RBM27: variants seen among roughly 807,000 people sequenced by gnomAD.
RBM27 encodes the protein RNA binding motif protein 27.
Under a neutral mutation model 135.3 loss-of-function variants are expected in RBM27, and 22 were observed. That is an observed-to-expected ratio of 0.16 (90% CI 0.12 to 0.23). The LOEUF is 0.23. Among genes scored for constraint, RBM27 ranks in the 10% least tolerant of loss-of-function variants. RBM27 has a pLI of 1.00. For missense variants in RBM27, 1,009 were observed against 1,281.0 expected, an observed-to-expected ratio of 0.79 and a Z score of 3.24; for synonymous variants, 481 against 442.4, an observed-to-expected ratio of 1.09 and a Z score of -1.10.
intron 1 of RBM27, among the ~76,000 whole-genome samples, chr5:146,210,878 C>T (rs113431420): frequency 0.029 from 4,352 of 151,226 alleles, 206 homozygotes; most frequent in African/African-American, 0.1. Context: ...ACCTGGGAGG[C>T]GGAGGTTGCA....
At chr5:146,206,939 TA>T (rs1755707855) in intron 1 of RBM27, among the ~76,000 whole-genome samples, 1 of 152,160 alleles carries the variant, frequency 6.6e-6, no homozygotes. Flanking sequence ...ATATTAATAA[TA>T]AAAAAGTAAA....
chr5:146,260,921 C>G, intron 12 of RBM27, 23 bp downstream of exon 12: 1 of 1,592,902 alleles, frequency 6.3e-7, no homozygotes, highest in African/African-American at 1.4e-5. Context: ...ATGTCAGTGA[C>G]AGAATCCAGG....
In RBM27 at chr5:146,203,708, G is replaced by T; in HGVS notation, c.-58G>T. ...GAAGGGAACGTGAGGGGGCGGCGTAGTGGAGACCCACGGCAGGCCTGAAGA... is the reference window on the plus strand; with the variant it reads ...GAAGGGAACGTGAGGGGGCGGCGTATTGGAGACCCACGGCAGGCCTGAAGA... On this transcript the variant is annotated 5_prime_UTR_variant, in exon 1 of 21. Transcript: ENST00000265271. The T allele has an allele frequency of 3.3e-6, 5 of 1,495,160 alleles. No individual in the cohort carries two copies. The South Asian group carries it at 6.1e-5, about 18-fold the overall frequency. 92.6% of individuals were successfully genotyped at this position (1,495,160 alleles called of 1,614,324 possible). A position where few individuals can be genotyped will look rare whatever the true frequency, so the allele number is the denominator to read the frequency against.
chr5:146,208,980 T>C (rs980294477), intron 1 of RBM27, among the ~76,000 whole-genome samples: 4 of 152,230 alleles, frequency 2.6e-5, no homozygotes, highest in Non-Finnish European at 5.9e-5. Flanking sequence ...CTTACTTTAA[T>C]AGACATTGTT....
chr5:146,229,641 AG>A, intron 4 of RBM27, 75 bp from the exon 5 acceptor site: 1 of 1,217,784 alleles, frequency 8.2e-7, no homozygotes, highest in South Asian at 1.5e-5. Context: ...ACTCAAGAGT[AG>A]TATTTATACT....
At chr5:146,267,208 A>G (rs1275745675) in intron 14 of RBM27, among the ~76,000 whole-genome samples, 3 of 152,370 alleles carry the variant, frequency 2.0e-5, no homozygotes, top group African/African-American at 2.4e-5. Context: ...CATAAATTCT[A>G]TGATAGGATA....
intron 8 of RBM27, among the ~76,000 whole-genome samples, chr5:146,249,875 G>A (rs1757808271): frequency 6.6e-6 from 1 of 152,048 alleles, no homozygotes; most frequent in South Asian, 2.1e-4. Context: ...GTGCCATGGT[G>A]GTTTGCTGCA....
intron 19 of RBM27, among the ~76,000 whole-genome samples, chr5:146,282,433 T>C (rs1480313121): frequency 2.0e-5 from 3 of 152,220 alleles, no homozygotes; most frequent in African/African-American, 7.2e-5. Context: ...AGTTGGCCCT[T>C]CATATGTGTG....
intron 3 of RBM27, among the ~76,000 whole-genome samples, chr5:146,225,047 T>G (rs1756610624): frequency 6.6e-6 from 1 of 152,232 alleles, no homozygotes; most frequent in South Asian, 2.1e-4. Context: ...TTAACATCCA[T>G]ATAGTACTTT....
At position 146,284,690 on chromosome 5, in the gene RBM27, A is replaced by G. The variant is rs750470880; in HGVS notation, c.3057A>G (p.Pro1019=). ...TATCATGGCACAAGCCCAAGGTACC[A>G]TCTATATCCACTGAGACTGAAGAAG... is the stretch of plus-strand genomic sequence containing the variant. The part of the protein sequence containing the change: ...LQISWHKPKV[P]SISTETEEEE... Residue 1019 remains proline (P), a synonymous_variant, in exon 20 of 21, where the codon CCA becomes CCG. Transcript: ENST00000265271. 3 of 1,613,292 alleles carry G rather than the reference A, an allele frequency of 1.9e-6. No individual in the cohort carries two copies. The highest frequency in any genetic ancestry group is 1.3e-5 in the African/African-American group (1 of 75,022).
At chr5:146,219,841 C>G (rs1250039692) in intron 2 of RBM27, among the ~76,000 whole-genome samples, 1 of 152,096 alleles carries the variant, frequency 6.6e-6, no homozygotes, top group African/African-American at 2.4e-5. Flanking sequence ...CCACTCTCCT[C>G]CTTCCAACCC....
chr5:146,245,394 A>G (rs1581190252), intron 8 of RBM27: 1 of 152,102 alleles, frequency 6.6e-6, no homozygotes, highest in East Asian at 1.9e-4. Context: ...ATATTTTGTA[A>G]CTGCTAAGTT....
intron 9 of RBM27, 113 bp from the exon 10 acceptor site, chr5:146,254,830 T>G (rs1227937154): frequency 1.1e-6 from 1 of 932,468 alleles, no homozygotes; most frequent in Non-Finnish European, 1.6e-6. Context: ...TGTAGGTTGA[T>G]GTATTTGTTG....
chr5:146,220,258 A>G (rs966943944), intron 2 of RBM27, among the ~76,000 whole-genome samples: 1 of 152,076 alleles, frequency 6.6e-6, no homozygotes, highest in African/African-American at 2.4e-5. Context: ...CGGGTGGATC[A>G]TGAGGTCAAG....
In RBM27 at chr5:146,237,324, A is replaced by G; in HGVS notation, c.1171A>G (p.Ile391Val). ...ACCACCTATAACACAATCAAGCTTG[A>G]TAAACAGCCGTGACCAGCCTGGGAC... ...PRPPITQSSLINSRDQPGTSA... is the reference protein window; with the variant it reads ...PRPPITQSSLVNSRDQPGTSA... The change falls in exon 8 of 21, where the codon ATA becomes GTA. Residue 391 changes from isoleucine (I) to valine (V), a missense_variant. Physicochemically the swap from Ile to Val is conservative, Grantham distance 29. This residue lies in a region of RBM27 where 329 missense variants were observed against 368.1 expected (regional missense o/e 0.89). Coordinates refer to ENST00000265271, the MANE Select transcript of RBM27 (RefSeq NM_018989.2). 6.2e-7 allele frequency: 1 copy of G among 1,614,180 alleles called. No homozygotes were observed. The highest frequency in any genetic ancestry group is 8.5e-7 in the Non-Finnish European group (1 of 1,180,040).
At chr5:146,247,045 G>T (rs1006650597) in intron 8 of RBM27, among the ~76,000 whole-genome samples, 1 of 151,444 alleles carries the variant, frequency 6.6e-6, no homozygotes, top group South Asian at 2.1e-4. Context: ...TAAATTTTTT[G>T]TAGAGATGAG....
rs1759563548 is a variant in RBM27, at chr5:146,285,938, T to A, written c.3100-9T>A. On this transcript the variant is annotated splice_polypyrimidine_tract_variant and intron_variant, in intron 20 of 20. Transcript: ENST00000265271. ...GCCACTAAGCAGATTTTAACCTCTC[T>A]TTCTTCAGGAAACAGAAACCTCAGA... 1.9e-6 allele frequency: 3 copies of A among 1,608,576 alleles called. No individual in the cohort carries two copies. The highest frequency in any genetic ancestry group is 3.4e-5 in the Admixed American group (2 of 59,694).
At chr5:146,241,601 G>A (rs1274953714) in intron 8 of RBM27, among the ~76,000 whole-genome samples, 1 of 152,220 alleles carries the variant, frequency 6.6e-6, no homozygotes, top group African/African-American at 2.4e-5. Context: ...TGGGACTACA[G>A]TCGTGGGCCC....
At chr5:146,206,805 G>C (rs545197150) in intron 1 of RBM27, among the ~76,000 whole-genome samples, 98 of 151,916 alleles carry the variant, frequency 6.5e-4, no homozygotes, top group Non-Finnish European at 1.2e-3. Flanking sequence ...TTGGTCTCCA[G>C]TTCTTGACCT....
Sources: allele counts gnomAD v4.1 joint callset (sites outside exome capture counted in the v4.1 genomes callset), GRCh38; gene constraint gnomAD v4.1.1; regional missense constraint gnomAD v4.1.1; transcripts MANE v1.5; gene names NCBI Gene and HGNC (gene_info 2026-07-23, HGNC 2026-07-21).